The following ELMOD1 variants were observed in gnomAD, a reference collection of about 807,000 sequenced individuals.
The protein encoded by ELMOD1 is ELMO domain-containing protein 1.
ELMOD1 carries 21 observed loss-of-function variants against 46.7 expected under a neutral mutation model. The ratio of observed to expected loss-of-function variants is 0.45; its 90% CI spans 0.32 to 0.65. The LOEUF is 0.65. ELMOD1 is among the 30% of genes least tolerant of loss of function. The pLI is 0.04. For missense variants in ELMOD1, 348 were observed against 407.8 expected, an observed-to-expected ratio of 0.85 and a Z score of 1.26; for synonymous variants, 122 against 138.2, an observed-to-expected ratio of 0.88 and a Z score of 0.82.
chr11:107,625,481 A>C (rs1028432170), intron 2 of ELMOD1: 1 of 985,442 alleles, frequency 1.0e-6, no homozygotes, highest in East Asian at 1.1e-4. Context: ...CTGTTCCAAA[A>C]GAAGACGTCA....
At chr11:107,600,637 C>T (rs915065319) in intron 1 of ELMOD1, 3 of 152,802 alleles carry the variant, frequency 2.0e-5, no homozygotes, top group East Asian at 1.9e-4. Context: ...ATGATTTGGA[C>T]GTTCTGTTAG....
intron 1 of ELMOD1, chr11:107,592,507 A>G (rs747533778): frequency 3.5e-5 from 18 of 521,006 alleles, no homozygotes; most frequent in South Asian, 8.7e-5. Context: ...AGCAGGTAGT[A>G]TGCTTGTATT....
Position 107,629,202 on chromosome 11 carries a change from A to C in ELMOD1, c.18-1215A>C, listed in dbSNP as rs1449676880. ...CAAGGCTGTTGAAGCTATTGGAACC[A>C]GAGCAATTTAAGGAAAGGAACACGG... is the stretch of plus-strand genomic sequence containing the variant. On this transcript the variant is annotated intron_variant, in intron 2 of 11. Coordinates refer to ENST00000265840, the MANE Select transcript of ELMOD1 (RefSeq NM_018712.4). 2.6e-5 allele frequency among the ~76,000 whole-genome samples: 4 copies of C among 152,234 alleles called. No homozygotes were observed. The East Asian group carries it at 7.7e-4, about 29-fold the overall frequency.
intron 1 of ELMOD1, chr11:107,591,697 C>T: frequency 2.7e-6 from 1 of 368,260 alleles, no homozygotes; most frequent in South Asian, 2.1e-5. Flanking sequence ...TCGGCCCGGG[C>T]GTAGGTCGCC....
intron 2 of ELMOD1, among the ~76,000 whole-genome samples, chr11:107,627,860 G>C (rs1217772044): frequency 6.6e-6 from 1 of 152,192 alleles, no homozygotes; most frequent in Admixed American, 6.5e-5. Flanking sequence ...ACTTTTGCTA[G>C]AGTTCTGCCA....
intron 4 of ELMOD1, 103 bp downstream of exon 4, chr11:107,630,831 A>T: frequency 8.9e-7 from 1 of 1,123,768 alleles, no homozygotes; most frequent in Admixed American, 2.4e-5. Flanking sequence ...CTGGCTAGGA[A>T]AACTACTGCC....
Position 107,655,994 on chromosome 11 carries a change from G to C in ELMOD1, c.760G>C (p.Gly254Arg). The change falls in exon 11 of 12, where the codon GGA (glycine) becomes CGA (arginine). Residue 254 changes from glycine (G) to arginine (R), a missense_variant. By Grantham distance (125) the Gly-to-Arg change is moderately radical. Coordinates refer to ENST00000265840, the MANE Select transcript of ELMOD1 (RefSeq NM_018712.4). Reference sequence around the variant, plus strand: ...CCTGGCATATAATCTACTGGTCAGCGGAGCTCTAAAAACCCATTTCTACAA... The same window carrying C: ...CCTGGCATATAATCTACTGGTCAGCCGAGCTCTAAAAACCCATTTCTACAA... ...TDLAYNLLVS[G>R]ALKTHFYNIA... 1 of 1,586,846 alleles carries C rather than the reference G, an allele frequency of 6.3e-7. No individual in the cohort carries two copies. Among genetic ancestry groups the C allele is most frequent in the Non-Finnish European group, 8.6e-7 (1 of 1,164,688 alleles).
intron 6 of ELMOD1, among the ~76,000 whole-genome samples, chr11:107,637,337 G>T (rs563914621): frequency 7.2e-5 from 11 of 152,180 alleles, no homozygotes; most frequent in Non-Finnish European, 1.3e-4. Flanking sequence ...TTTGGGGAAA[G>T]GCATCATTTC....
chr11:107,613,048 C>G (rs1369427943), intron 1 of ELMOD1, among the ~76,000 whole-genome samples: 3 of 152,128 alleles, frequency 2.0e-5, no homozygotes, highest in African/African-American at 7.2e-5. Context: ...ATTCTACCTT[C>G]TAAATATTTT....
At chr11:107,598,614 C>T (rs940104475) in intron 1 of ELMOD1, among the ~76,000 whole-genome samples, 7 of 152,226 alleles carry the variant, frequency 4.6e-5, no homozygotes, top group Non-Finnish European at 1.0e-4. Context: ...CAGATGGTTC[C>T]TTTCCCCAAA....
rs1866118810 is a variant in ELMOD1 at position 107,630,562 on chromosome 11, G to A, written c.163G>A (p.Glu55Lys). ...KPGASRTMKI[E>K]TSLRDSKSKL... ...GGGAGCTTCTAGAACCATGAAAATCGGTAAGCCTGAGACAAAGAAGTAAGC... is the reference window on the plus strand; with the variant it reads ...GGGAGCTTCTAGAACCATGAAAATCAGTAAGCCTGAGACAAAGAAGTAAGC... Residue 55 changes from glutamate (E) to lysine (K), a missense_variant and splice_region_variant, in exon 3 of 12, where the codon GAA becomes AAA. Physicochemically the swap from Glu to Lys is moderately conservative, Grantham distance 56. Transcript: ENST00000265840. The A allele has an allele frequency of 6.2e-7, 1 of 1,608,980 alleles. No individual in the cohort carries two copies. Among genetic ancestry groups the A allele is most frequent in the African/African-American group, 1.3e-5 (1 of 74,800 alleles).
chr11:107,613,089 A>G (rs1865806503), intron 1 of ELMOD1, among the ~76,000 whole-genome samples: 1 of 152,198 alleles, frequency 6.6e-6, no homozygotes, highest in Non-Finnish European at 1.5e-5. Context: ...CCCTCCCCAC[A>G]GTCATCATCC....
intron 11 of ELMOD1, among the ~76,000 whole-genome samples, chr11:107,660,918 C>A (rs903721068): frequency 6.6e-6 from 1 of 152,196 alleles, no homozygotes; most frequent in Non-Finnish European, 1.5e-5. Context: ...CCTTTTTCTT[C>A]ATCTGCAATA....
At chr11:107,595,312 T>G (rs1384149304) in intron 1 of ELMOD1, among the ~76,000 whole-genome samples, 1 of 152,162 alleles carries the variant, frequency 6.6e-6, no homozygotes. Context: ...GGGTCTTTTT[T>G]CTCAAATGAT....
chr11:107,603,554 A>G (rs1436599301), intron 1 of ELMOD1, among the ~76,000 whole-genome samples: 3 of 151,666 alleles, frequency 2.0e-5, no homozygotes, highest in African/African-American at 7.3e-5. Flanking sequence ...AACAAAACCA[A>G]CAACAACAAC....
chr11:107,650,348 A>T lies in ELMOD1; in HGVS notation c.568A>T (p.Arg190Trp). Residue 190 changes from arginine (R) to tryptophan (W), a missense_variant, in exon 8 of 12, where the codon AGG becomes TGG. Arg to Trp is a moderately radical substitution (Grantham distance 101). Transcript: ENST00000265840. Reference sequence around the variant, plus strand: ...CTCCCGCTGCAGGTATTTCGCGGAAAGGGATGCCACAGCAGCTCAGCAGGT... The same window carrying T: ...CTCCCGCTGCAGGTATTTCGCGGAATGGGATGCCACAGCAGCTCAGCAGGT... ...GLYNLQYFAE[R>W]DATAAQQVLS... is the part of the protein sequence containing the mutation. 6.3e-7 allele frequency: 1 copy of T among 1,588,570 alleles called. No individual in the cohort carries two copies. The highest frequency in any genetic ancestry group is 1.2e-5 in the South Asian group (1 of 86,566).
intron 6 of ELMOD1, among the ~76,000 whole-genome samples, chr11:107,646,450 C>A (rs1591131012): frequency 6.6e-6 from 1 of 152,074 alleles, no homozygotes; most frequent in South Asian, 2.1e-4. Context: ...AAAAATGAAA[C>A]TTGGCCGGGT....
chr11:107,659,662 G>C (rs867905131), intron 11 of ELMOD1, among the ~76,000 whole-genome samples: 20 of 138,600 alleles, frequency 1.4e-4, no homozygotes, highest in Admixed American at 1.4e-3. Flanking sequence ...TGGGTGGGTG[G>C]GTGGATGGAT....
At chr11:107,632,527 C>T (rs995373044) in intron 5 of ELMOD1, among the ~76,000 whole-genome samples, 1 of 152,162 alleles carries the variant, frequency 6.6e-6, no homozygotes, top group Non-Finnish European at 1.5e-5. Flanking sequence ...AGGGGCTCAT[C>T]ACAAAACCTC....
Sources: gnomAD v4.1 joint callset for allele counts (sites outside exome capture counted in the v4.1 genomes callset) on GRCh38, gnomAD v4.1.1 for gene constraint, MANE v1.5 for transcripts, NCBI Gene and HGNC (gene_info 2026-07-23, HGNC 2026-07-21) for gene names.